Variants in TBC1D32 observed in about 807,000 individuals in gnomAD.
TBC1D32 encodes TBC1 domain family member 32.
In TBC1D32, 151 loss-of-function variants were observed where a neutral mutation model predicts 170.3. That is an observed-to-expected ratio of 0.89 (90% CI 0.78 to 1.01). The LOEUF (loss-of-function observed/expected upper bound fraction) is 1.01. Ranked by LOEUF, TBC1D32 falls within the 50% of genes least tolerant of loss-of-function variation. The probability of loss-of-function intolerance (pLI) is 0.00; values close to 1 mark genes in which losing one functional copy is unlikely to be tolerated. For synonymous variants in TBC1D32, 498 were observed against 488.0 expected (o/e 1.02, Z -0.27); for missense variants, 1,464 against 1,457.1 (o/e 1.00, Z -0.08).
At chr6:121,187,980 G>C (rs1337526431) in intron 22 of TBC1D32, among the ~76,000 whole-genome samples, 1 of 152,104 alleles carries the variant, frequency 6.6e-6, no homozygotes, top group Non-Finnish European at 1.5e-5. Flanking sequence ...CTGTGAAGCA[G>C]TACAATATAT....
intron 22 of TBC1D32, among the ~76,000 whole-genome samples, chr6:121,202,279 G>GAAAAAAAAAAAAAAAAA (rs59539189): frequency 8.8e-6 from 1 of 114,026 alleles, no homozygotes; most frequent in Non-Finnish European, 1.7e-5. Flanking sequence ...ACTAGAGAAT[G>GAAAAAAAAAAAAAAAAA]AAAAAAAAAA....
intron 11 of TBC1D32, among the ~76,000 whole-genome samples, chr6:121,293,117 T>A (rs1805111557): frequency 6.6e-6 from 1 of 151,378 alleles, no homozygotes; most frequent in African/African-American, 2.4e-5. Context: ...TGAGCAAGAA[T>A]TTTTTTAAAA....
intron 31 of TBC1D32, among the ~76,000 whole-genome samples, chr6:121,088,172 C>T (rs549421190): frequency 6.6e-6 from 1 of 152,072 alleles, no homozygotes; most frequent in Non-Finnish European, 1.5e-5. Context: ...CCAGGCTGGT[C>T]TCAAACCCCT....
At chr6:121,320,853 G>A (rs759648921) in intron 2 of TBC1D32, among the ~76,000 whole-genome samples, 4 of 151,952 alleles carry the variant, frequency 2.6e-5, no homozygotes, top group Non-Finnish European at 4.4e-5. Flanking sequence ...AAACGTTTCC[G>A]ATACTGGAAA....
At chr6:121,215,086 C>G (rs1793654973) in intron 21 of TBC1D32, among the ~76,000 whole-genome samples, 1 of 152,236 alleles carries the variant, frequency 6.6e-6, no homozygotes, top group Non-Finnish European at 1.5e-5. Flanking sequence ...CTCCTCTCCA[C>G]AGTCAGGGTG....
At position 121,085,268 on chromosome 6, in the gene TBC1D32, CATATATACGTATATATAT is replaced by C. The variant is rs1327674658; in HGVS notation, c.3655-4396_3655-4379del. Among the ~76,000 whole-genome samples the C allele has an allele frequency of 6.9e-3, 1,002 of 145,996 alleles. 9 individuals are homozygous for C. The highest frequency in any genetic ancestry group is 0.024 in the African/African-American group (953 of 40,064). On this transcript the variant is annotated intron_variant, in intron 31 of 31. Coordinates refer to ENST00000398212, the MANE Select transcript of TBC1D32 (RefSeq NM_152730.6). The stretch of plus-strand genomic sequence containing the variant: ...ATACGTATATATATACACATATATA[CATATATACGTATATATAT>C]ACATATATACATACATATATATACA...
intron 20 of TBC1D32, among the ~76,000 whole-genome samples, chr6:121,235,009 G>A (rs906474962): frequency 6.6e-6 from 1 of 152,146 alleles, no homozygotes; most frequent in African/African-American, 2.4e-5. Flanking sequence ...CAGAGCTACC[G>A]GGCTCTGGGC....
chr6:121,198,772 A>G lies in TBC1D32; in HGVS notation c.2570+6303T>C, dbSNP rs1169121711. Among the ~76,000 whole-genome samples the G allele has an allele frequency of 2.6e-5, 4 of 151,398 alleles. 1 individual carries two copies. The highest frequency in any genetic ancestry group is 9.8e-5 in the African/African-American group (4 of 40,716). ...GTCTCAAAAATAAAAAATAAAAAAAAGAAGTGATCATCGAAGGCACTGTAG... is the reference window on the plus strand; with the variant it reads ...GTCTCAAAAATAAAAAATAAAAAAAGGAAGTGATCATCGAAGGCACTGTAG... On this transcript the variant is annotated intron_variant, in intron 22 of 31. Coordinates refer to ENST00000398212, the MANE Select transcript of TBC1D32 (RefSeq NM_152730.6).
chr6:121,271,651 A>G (rs550900568), intron 15 of TBC1D32, among the ~76,000 whole-genome samples: 20 of 152,296 alleles, frequency 1.3e-4, no homozygotes, highest in African/African-American at 4.8e-4. Context: ...ATGGTCATGG[A>G]TAGGAAGAAT....
At chr6:121,277,243 C>A (rs1802333752) in intron 15 of TBC1D32, among the ~76,000 whole-genome samples, 1 of 152,030 alleles carries the variant, frequency 6.6e-6, no homozygotes, top group Non-Finnish European at 1.5e-5. Flanking sequence ...AATCCCAGTA[C>A]TTTGGGGGCC....
chr6:121,106,258 C>T (rs1778672982), intron 29 of TBC1D32, 95 bp from the exon 30 acceptor site: 1 of 699,746 alleles, frequency 1.4e-6, no homozygotes, highest in Non-Finnish European at 1.9e-6. Context: ...TTTCCTTTTG[C>T]TGTAAATTGC....
chr6:121,278,853 T>A lies in TBC1D32; in HGVS notation c.1733+268A>T, dbSNP rs182490092. 3.3e-3 allele frequency among the ~76,000 whole-genome samples: 505 copies of A among 152,086 alleles called. 7 individuals are homozygous for A. Among genetic ancestry groups the A allele is most frequent in the African/African-American group, 0.012 (491 of 41,538 alleles). ...AGGAAGAAAAAATAGCTAGCTTCTT[T>A]GCACAACTTTGGTTTGACTTAATCA... On this transcript the variant is annotated intron_variant, in intron 15 of 31. Transcript: ENST00000398212.
intron 3 of TBC1D32, among the ~76,000 whole-genome samples, chr6:121,312,493 A>G (rs112620420): frequency 0.012 from 1,789 of 152,214 alleles, 16 homozygotes; most frequent in Middle Eastern, 0.024. Context: ...GGCTCATGCA[A>G]TTAGGGAAGC....
At chr6:121,302,039 T>C (rs563450083) in intron 9 of TBC1D32, among the ~76,000 whole-genome samples, 1 of 152,332 alleles carries the variant, frequency 6.6e-6, no homozygotes, top group African/African-American at 2.4e-5. Context: ...TCAAAAACTA[T>C]TAATCCTTTT....
Position 121,239,083 on chromosome 6 carries a change from C to T in TBC1D32, c.2351G>A (p.Arg784Gln), listed in dbSNP as rs781649690. Reference protein sequence around the residue: ...PRTTPVDPIDRSCQKSFLALV... With the variant: ...PRTTPVDPIDQSCQKSFLALV... ...ATAACTTCTTACCTTTTGACAGCTTCGGTCAATAGGATCCACTGGAGTAGT... is the reference window on the plus strand; with the variant it reads ...ATAACTTCTTACCTTTTGACAGCTTTGGTCAATAGGATCCACTGGAGTAGT... Residue 784 changes from arginine to glutamine, a missense_variant, in exon 20 of 32, where the codon CGA becomes CAA. This residue lies in a region of TBC1D32 where 1,363 missense variants were observed against 1,338.1 expected (regional missense o/e 1.02). Transcript: ENST00000398212. 28 of 1,582,880 alleles carry T rather than the reference C, an allele frequency of 1.8e-5. No homozygotes were observed. The highest frequency in any genetic ancestry group is 9.4e-5 in the African/African-American group (7 of 74,498).
chr6:121,116,421 T>C (rs1449408616), intron 26 of TBC1D32, among the ~76,000 whole-genome samples: 1 of 152,164 alleles, frequency 6.6e-6, no homozygotes, highest in Non-Finnish European at 1.5e-5. Flanking sequence ...ATAGGAATGA[T>C]ACAGATAAAG....
At chr6:121,159,531 G>A (rs1379050649) in intron 24 of TBC1D32, among the ~76,000 whole-genome samples, 1 of 152,112 alleles carries the variant, frequency 6.6e-6, no homozygotes, top group Non-Finnish European at 1.5e-5. Context: ...AATACATTCT[G>A]AGAATTGCAT....
At chr6:121,314,125 C>A (rs1287012226) in intron 3 of TBC1D32, among the ~76,000 whole-genome samples, 1 of 152,226 alleles carries the variant, frequency 6.6e-6, no homozygotes, top group African/African-American at 2.4e-5. Context: ...GAATCTGTTT[C>A]TTTGCCTTTT....
chr6:121,192,237 G>A (rs1790175590), intron 22 of TBC1D32: 1 of 151,808 alleles, frequency 6.6e-6, no homozygotes. Context: ...AAATGCTAAG[G>A]ACTCTACTTG....
Sources: allele counts gnomAD v4.1 joint callset (sites outside exome capture counted in the v4.1 genomes callset), GRCh38; gene constraint gnomAD v4.1.1; regional missense constraint gnomAD v4.1.1; transcripts MANE v1.5; gene names NCBI Gene and HGNC (gene_info 2026-07-23, HGNC 2026-07-21).